The following KCNIP4 variants were observed in gnomAD, a reference collection of about 807,000 sequenced individuals.
KCNIP4 encodes potassium voltage-gated channel interacting protein 4, also known as Kv channel-interacting protein 4.
Under a neutral mutation model 34.0 loss-of-function variants are expected in KCNIP4, and 12 were observed. That is an observed-to-expected ratio of 0.35 (90% CI 0.23 to 0.57). The LOEUF is 0.57. KCNIP4 is among the 20% of genes least tolerant of loss of function. The probability of loss-of-function intolerance (pLI) is 0.83; values close to 1 mark genes in which losing one functional copy is unlikely to be tolerated. For missense variants in KCNIP4, 238 were observed against 311.7 expected, an observed-to-expected ratio of 0.76 and a Z score of 1.78; for synonymous variants, 124 against 102.2, an observed-to-expected ratio of 1.21 and a Z score of -1.29.
chr4:21,536,473 T>C (rs1737174403), intron 1 of KCNIP4, among the ~76,000 whole-genome samples: 1 of 151,704 alleles, frequency 6.6e-6, no homozygotes, highest in Non-Finnish European at 1.5e-5. Flanking sequence ...TTACATATAT[T>C]ACCTCATTTA....
chr4:21,442,337 T>TG (rs35724865), intron 1 of KCNIP4, among the ~76,000 whole-genome samples: 2 of 152,220 alleles, frequency 1.3e-5, no homozygotes, highest in African/African-American at 4.8e-5. Flanking sequence ...TTTTATCCAC[T>TG]GGGGTAATCA....
At chr4:21,052,887 C>T (rs1385395215) in intron 1 of KCNIP4, among the ~76,000 whole-genome samples, 2 of 151,704 alleles carry the variant, frequency 1.3e-5, no homozygotes, top group Non-Finnish European at 2.9e-5. Flanking sequence ...GGTAATTCAG[C>T]CATGTGCATT....
chr4:21,310,127 G>A (rs911068784), intron 1 of KCNIP4, among the ~76,000 whole-genome samples: 2 of 152,118 alleles, frequency 1.3e-5, no homozygotes, highest in African/African-American at 4.8e-5. Flanking sequence ...CCGCCTCCCA[G>A]GTTCAAGCAG....
At position 20,960,456 on chromosome 4, in the gene KCNIP4, G is replaced by T. The variant is rs143616829; in HGVS notation, c.62-77747C>A. Among the ~76,000 whole-genome samples the T allele has an allele frequency of 2.4e-3, 372 of 152,242 alleles. 2 individuals carry two copies. Among genetic ancestry groups the T allele is most frequent in the Middle Eastern group, 6.8e-3 (2 of 294 alleles). Reference sequence around the variant, plus strand: ...AAAACGCCATTAGCTGCCTCTTCTCGCCTTCTGCTCACGGACACTTGGCTC... The same window carrying T: ...AAAACGCCATTAGCTGCCTCTTCTCTCCTTCTGCTCACGGACACTTGGCTC... On this transcript the variant is annotated intron_variant, in intron 1 of 8. Coordinates refer to ENST00000382152, the MANE Select transcript of KCNIP4 (RefSeq NM_025221.6).
intron 3 of KCNIP4, among the ~76,000 whole-genome samples, chr4:20,797,819 AATG>A (rs973673800): frequency 7.9e-5 from 12 of 152,306 alleles, no homozygotes; most frequent in Non-Finnish European, 1.8e-4. Context: ...TGCCAGGAAG[AATG>A]ATCTTAGACG....
At chr4:21,455,960 T>G (rs535198764) in intron 1 of KCNIP4, among the ~76,000 whole-genome samples, 1 of 144,076 alleles carries the variant, frequency 6.9e-6, no homozygotes, top group South Asian at 2.2e-4. Context: ...TCTTTGACAC[T>G]GCAGATTAAA....
chr4:20,743,906 A>G (rs1751780599), intron 5 of KCNIP4, among the ~76,000 whole-genome samples: 1 of 151,288 alleles, frequency 6.6e-6, no homozygotes, highest in Admixed American at 6.6e-5. Context: ...TCTACAAAGA[A>G]ATTAAATTTA....
chr4:20,756,513 AC>A (rs1419587730), intron 4 of KCNIP4, among the ~76,000 whole-genome samples: 2 of 152,118 alleles, frequency 1.3e-5, no homozygotes, highest in Non-Finnish European at 2.9e-5. Flanking sequence ...ACTGGTATCT[AC>A]CCAGCACTAT....
intron 1 of KCNIP4, among the ~76,000 whole-genome samples, chr4:21,837,209 G>A (rs545431382): frequency 1.4e-4 from 21 of 148,644 alleles, no homozygotes; most frequent in African/African-American, 4.4e-4. Context: ...TGAGCCCCGC[G>A]ATCGGCCAAG....
intron 1 of KCNIP4, among the ~76,000 whole-genome samples, chr4:21,076,653 G>A (rs9999173): frequency 0.023 from 3,551 of 152,190 alleles, 123 homozygotes; most frequent in African/African-American, 0.08. Flanking sequence ...CCAACAATTC[G>A]TATGTTAATT....
chr4:21,662,930 C>A (rs1748558254), intron 1 of KCNIP4, among the ~76,000 whole-genome samples: 1 of 152,134 alleles, frequency 6.6e-6, no homozygotes, highest in Non-Finnish European at 1.5e-5. Context: ...ATATATTTTA[C>A]ATCAATAATT....
chr4:21,915,121 C>T (rs888034387), intron 1 of KCNIP4, among the ~76,000 whole-genome samples: 3 of 152,188 alleles, frequency 2.0e-5, no homozygotes, highest in Non-Finnish European at 1.5e-5. Flanking sequence ...CTTTGCAAGC[C>T]GTAAGGACAC....
chr4:20,936,225 G>A (rs1174294566), intron 1 of KCNIP4, among the ~76,000 whole-genome samples: 1 of 152,112 alleles, frequency 6.6e-6, no homozygotes, highest in Admixed American at 6.5e-5. Flanking sequence ...GGGGCTGTCT[G>A]TCATAAAGTT....
intron 1 of KCNIP4, among the ~76,000 whole-genome samples, chr4:21,338,192 G>A (rs1167885722): frequency 6.7e-6 from 1 of 148,662 alleles, no homozygotes; most frequent in Non-Finnish European, 1.5e-5. Context: ...GTGAACCCGG[G>A]AGGCGCAGTT....
intron 1 of KCNIP4, among the ~76,000 whole-genome samples, chr4:21,567,766 A>C (rs1257342971): frequency 2.0e-5 from 3 of 152,108 alleles, no homozygotes; most frequent in African/African-American, 7.2e-5. Context: ...CTGGATGAGG[A>C]TGGAAGTTAC....
chr4:21,598,956 G>A (rs1742873940), intron 1 of KCNIP4, among the ~76,000 whole-genome samples: 1 of 152,052 alleles, frequency 6.6e-6, no homozygotes, highest in Non-Finnish European at 1.5e-5. Flanking sequence ...TATCTTCAGG[G>A]AACAGACATC....
At chr4:21,853,340 G>T (rs552934197) in intron 1 of KCNIP4, among the ~76,000 whole-genome samples, 3 of 152,174 alleles carry the variant, frequency 2.0e-5, no homozygotes, top group African/African-American at 7.2e-5. Context: ...CAAAACACCG[G>T]TCTGGGAAAT....
chr4:21,412,415 C>T (rs1177900831), intron 1 of KCNIP4, among the ~76,000 whole-genome samples: 1 of 152,160 alleles, frequency 6.6e-6, no homozygotes, highest in Non-Finnish European at 1.5e-5. Context: ...AGAAATTCAT[C>T]TGACCTCTAA....
chr4:20,734,821 A>C, intron 5 of KCNIP4, 86 bp from the exon 6 acceptor site: 1 of 678,582 alleles, frequency 1.5e-6, no homozygotes, highest in Admixed American at 2.9e-5. Context: ...AAGGGCTACA[A>C]CCCTCTGGAT....
Sources: allele counts gnomAD v4.1 joint callset (sites outside exome capture counted in the v4.1 genomes callset), GRCh38; gene constraint gnomAD v4.1.1; transcripts MANE v1.5; gene names NCBI Gene and HGNC (gene_info 2026-07-23, HGNC 2026-07-21).